SLC4A8: variants seen among roughly 807,000 people sequenced by gnomAD.
The protein encoded by SLC4A8 is solute carrier family 4 member 8, also known as electroneutral sodium bicarbonate exchanger 1.
In SLC4A8, 40 loss-of-function variants were observed where a neutral mutation model predicts 125.0. The ratio of observed to expected loss-of-function variants is 0.32; its 90% CI spans 0.25 to 0.42. The LOEUF (loss-of-function observed/expected upper bound fraction) is 0.42. SLC4A8 is among the 10% of genes least tolerant of loss of function. The pLI is 1.00. For missense variants in SLC4A8, 863 were observed against 1,355.1 expected, an observed-to-expected ratio of 0.64 and a Z score of 5.70; for synonymous variants, 456 against 476.0, an observed-to-expected ratio of 0.96 and a Z score of 0.55.
chr12:51,476,292 G>A (rs1048421311), intron 16 of SLC4A8, among the ~76,000 whole-genome samples: 1 of 152,090 alleles, frequency 6.6e-6, no homozygotes, highest in Non-Finnish European at 1.5e-5. Flanking sequence ...TACCAGCCTG[G>A]CCAACATGCT....
intron 1 of SLC4A8, chr12:51,425,353 C>T: frequency 8.5e-7 from 1 of 1,180,702 alleles, no homozygotes; most frequent in East Asian, 4.4e-5. Flanking sequence ...AAGGGGCCGG[C>T]GTCTGGCCTC....
chr12:51,452,004 T>C, intron 3 of SLC4A8, 120 bp from the exon 4 acceptor site: 1 of 946,428 alleles, frequency 1.1e-6, no homozygotes, highest in South Asian at 2.1e-5. Context: ...TAAAGAAATC[T>C]TTTTCTTCTG....
intron 16 of SLC4A8, among the ~76,000 whole-genome samples, chr12:51,484,516 G>A (rs1212356171): frequency 1.3e-5 from 2 of 152,158 alleles, no homozygotes; most frequent in African/African-American, 4.8e-5. Context: ...GGGAGGCAGT[G>A]GATACTCAGA....
intron 16 of SLC4A8, among the ~76,000 whole-genome samples, chr12:51,477,437 A>G (rs1950888475): frequency 6.6e-6 from 1 of 152,314 alleles, no homozygotes; most frequent in South Asian, 2.1e-4. Flanking sequence ...AGGCATAAAA[A>G]GGGCTGAGTT....
chr12:51,402,255 G>A (rs562840808), intron 1 of SLC4A8, among the ~76,000 whole-genome samples: 3 of 152,300 alleles, frequency 2.0e-5, no homozygotes, highest in Non-Finnish European at 4.4e-5. Flanking sequence ...TTCAGCTGTT[G>A]TTGAAGGGAA....
chr12:51,478,635 A>G (rs2138348549), intron 16 of SLC4A8, among the ~76,000 whole-genome samples: 1 of 152,294 alleles, frequency 6.6e-6, no homozygotes, highest in African/African-American at 2.4e-5. Flanking sequence ...TGGAGTTTGT[A>G]TTTCAAATTA....
At chr12:51,402,199 A>G (rs1186478511) in intron 1 of SLC4A8, among the ~76,000 whole-genome samples, 1 of 152,190 alleles carries the variant, frequency 6.6e-6, no homozygotes, top group Non-Finnish European at 1.5e-5. Flanking sequence ...CTTTGAAAAG[A>G]TATTGGCTTC....
intron 1 of SLC4A8, 133 bp downstream of exon 1, chr12:51,425,168 C>G (rs933680768): frequency 7.0e-7 from 1 of 1,433,528 alleles, no homozygotes; most frequent in East Asian, 2.6e-5. Flanking sequence ...GAGGCCAGCC[C>G]GGGACACCAG....
intron 10 of SLC4A8, 61 bp from the exon 11 acceptor site, chr12:51,463,553 C>T: frequency 7.6e-7 from 1 of 1,321,794 alleles, no homozygotes; most frequent in Non-Finnish European, 1.1e-6. Context: ...CCACTCCCTG[C>T]TGATAGCAGG....
upstream of SLC4A8, among the ~76,000 whole-genome samples, chr12:51,421,363 T>TA (rs1388183070): frequency 1.8e-4 from 27 of 152,328 alleles, no homozygotes; most frequent in Admixed American, 1.6e-3. Flanking sequence ...CCTGGGAGGA[T>TA]AGAGCCTGTC....
chr12:51,411,254 C>A (rs1016457303), intron 1 of SLC4A8, among the ~76,000 whole-genome samples: 2 of 151,864 alleles, frequency 1.3e-5, no homozygotes, highest in Non-Finnish European at 2.9e-5. Context: ...TATTGCTTTT[C>A]AATTTTCTAA....
At chr12:51,453,443 A>T (rs1445187980) in intron 4 of SLC4A8, 96 bp from the exon 5 acceptor site, 12 of 1,258,376 alleles carry the variant, frequency 9.5e-6, no homozygotes, top group Non-Finnish European at 1.4e-5. Flanking sequence ...CAGTATGACT[A>T]TCCAGATATC....
chr12:51,496,945 A>G, intron 21 of SLC4A8, 42 bp from the exon 22 acceptor site: 4 of 1,602,196 alleles, frequency 2.5e-6, no homozygotes, highest in Non-Finnish European at 3.4e-6. Context: ...CAGGAAGGAA[A>G]TTAGTCCCTT....
At chr12:51,504,892 G>A (rs907580463) in intron 23 of SLC4A8, among the ~76,000 whole-genome samples, 2 of 152,198 alleles carry the variant, frequency 1.3e-5, no homozygotes, top group African/African-American at 4.8e-5. Context: ...AATTGGAAGA[G>A]ATACACATAG....
chr12:51,502,272 G>A (rs1203298927), intron 22 of SLC4A8: 1 of 152,244 alleles, frequency 6.6e-6, no homozygotes, highest in Non-Finnish European at 1.5e-5. Context: ...GTCTTGCTCT[G>A]TCGCCAAGGC....
chr12:51,488,195 A>G (rs1367603724), intron 17 of SLC4A8, among the ~76,000 whole-genome samples: 1 of 152,244 alleles, frequency 6.6e-6, no homozygotes. Flanking sequence ...AGCCAATACT[A>G]TGATACCAGG....
At chr12:51,480,744 C>A in intron 16 of SLC4A8, 2 of 418,350 alleles carry the variant, frequency 4.8e-6, no homozygotes, top group Non-Finnish European at 3.2e-6. Flanking sequence ...GAATCATGTT[C>A]AAATGACATT....
At chr12:51,399,752 G>A (rs1948334630) in intron 1 of SLC4A8, among the ~76,000 whole-genome samples, 1 of 152,196 alleles carries the variant, frequency 6.6e-6, no homozygotes, top group Admixed American at 6.5e-5. Context: ...GGAAGGCTGA[G>A]GCAGGCAGAT....
chr12:51,414,896 C>T (rs773719151), intron 1 of SLC4A8, among the ~76,000 whole-genome samples: 2 of 152,102 alleles, frequency 1.3e-5, no homozygotes, highest in African/African-American at 2.4e-5. Context: ...TACCAAATGC[C>T]GTTTTAGCAT....
Sources: gnomAD v4.1 joint callset for allele counts (sites outside exome capture counted in the v4.1 genomes callset) on GRCh38, gnomAD v4.1.1 for gene constraint, MANE v1.5 for transcripts, NCBI Gene and HGNC (gene_info 2026-07-23, HGNC 2026-07-21) for gene names.